GTF2E2: variants seen among roughly 807,000 people sequenced by gnomAD.
GTF2E2 encodes transcription initiation factor IIE subunit beta.
In GTF2E2, 21 loss-of-function variants were observed where a neutral mutation model predicts 40.5. The observed-to-expected ratio is 0.52, with a 90% confidence interval of 0.37 to 0.75. The LOEUF is 0.75. Ranked by LOEUF, GTF2E2 falls within the 30% of genes least tolerant of loss-of-function variation. GTF2E2 has a pLI of 0.00. For synonymous variants in GTF2E2, 117 were observed against 121.6 expected (o/e 0.96, Z 0.25); for missense variants, 298 against 338.4 (o/e 0.88, Z 0.94).
chr8:30,598,396 A>G (rs1338340550), intron 6 of GTF2E2, among the ~76,000 whole-genome samples: 1 of 152,248 alleles, frequency 6.6e-6, no homozygotes, highest in African/African-American at 2.4e-5. Context: ...CTGTATAGAA[A>G]GAACACACAA....
intron 6 of GTF2E2, among the ~76,000 whole-genome samples, chr8:30,604,114 G>A (rs900685304): frequency 4.6e-5 from 7 of 152,040 alleles, no homozygotes; most frequent in African/African-American, 1.4e-4. Context: ...AAGGAATGAG[G>A]GGGGGAGAGG....
intron 2 of GTF2E2, among the ~76,000 whole-genome samples, chr8:30,651,146 G>C (rs1240191295): frequency 7.2e-5 from 11 of 152,082 alleles, no homozygotes; most frequent in Admixed American, 7.2e-4. Context: ...CCTAAGATCA[G>C]GAACAAGGCA....
rs561593922 is a variant in GTF2E2 at position 30,636,695 on chromosome 8, G to A, written c.167-1572C>T. 7.2e-5 allele frequency among the ~76,000 whole-genome samples: 11 copies of A among 152,028 alleles called. No individual in the cohort carries two copies. In the East Asian group the frequency reaches 1.4e-3, roughly 19 times the overall value. ...ATCCTGGCCAACATGGTGAAACCCC[G>A]TCTCTACCAAAAATACAAAAATTAG... On this transcript the variant is annotated intron_variant, in intron 2 of 7. Transcript: ENST00000355904.
intron 2 of GTF2E2, among the ~76,000 whole-genome samples, chr8:30,649,458 G>T (rs1220192942): frequency 6.6e-6 from 1 of 151,966 alleles, no homozygotes; most frequent in African/African-American, 2.4e-5. Context: ...TGAAACCAAA[G>T]GTTGGTTCTT....
intron 6 of GTF2E2, among the ~76,000 whole-genome samples, chr8:30,581,347 C>T (rs980466780): frequency 6.6e-6 from 1 of 152,150 alleles, no homozygotes; most frequent in African/African-American, 2.4e-5. Flanking sequence ...TCCCACGGTC[C>T]GTTTACAAAT....
rs575662589 is a variant in GTF2E2, at chr8:30,622,285, A to G, written c.259-7570T>C. On this transcript the variant is annotated intron_variant, in intron 3 of 7. Coordinates refer to ENST00000355904, the MANE Select transcript of GTF2E2 (RefSeq NM_002095.6). ...CAGAGTACAAAAGAGAGAAATTTTA[A>G]AGCTGGGCGTCCAGGGGAGACATCA... 5.9e-5 allele frequency among the ~76,000 whole-genome samples: 9 copies of G among 151,890 alleles called. No homozygotes were observed. In the South Asian group the frequency reaches 1.9e-3, roughly 32 times the overall value.
Position 30,580,412 on chromosome 8 carries a change from A to G in GTF2E2, c.644-16T>C. On this transcript the variant is annotated splice_polypyrimidine_tract_variant and intron_variant, in intron 6 of 7. Transcript: ENST00000355904. ...TTCTGAAATTCTGTATCAAACAGAC[A>G]CTAGTTATTTTACAATCCATTTTTA... The G allele has an allele frequency of 7.7e-7, 1 of 1,292,476 alleles. No individual in the cohort carries two copies. The highest frequency in any genetic ancestry group is 1.1e-6 in the Non-Finnish European group (1 of 886,960). 80.1% of individuals were successfully genotyped at this position (1,292,476 alleles called of 1,614,324 possible).
chr8:30,587,409 C>A lies in GTF2E2; in HGVS notation c.644-7013G>T, dbSNP rs549779021. 3.3e-5 allele frequency among the ~76,000 whole-genome samples: 5 copies of A among 150,582 alleles called. No individual in the cohort carries two copies. The South Asian group carries it at 1.0e-3, about 31-fold the overall frequency. The stretch of plus-strand genomic sequence containing the variant: ...ATCTGGGCAACAAAATGAGACGCTG[C>A]CTCTAAAAAAGAAAAAAAAATTATA... On this transcript the variant is annotated intron_variant, in intron 6 of 7. Transcript: ENST00000355904.
chr8:30,621,933 C>T (rs992796269), intron 3 of GTF2E2, among the ~76,000 whole-genome samples: 3 of 151,574 alleles, frequency 2.0e-5, no homozygotes, highest in East Asian at 1.9e-4. Context: ...GCTATCTCAT[C>T]GTTAAGTATG....
intron 1 of GTF2E2, among the ~76,000 whole-genome samples, chr8:30,656,685 G>C (rs1165867528): frequency 2.6e-5 from 4 of 151,816 alleles, no homozygotes; most frequent in African/African-American, 9.7e-5. Flanking sequence ...GCGGGTGCCT[G>C]TAATCCCAAC....
chr8:30,595,738 G>T (rs1347197598), intron 6 of GTF2E2, among the ~76,000 whole-genome samples: 1 of 152,082 alleles, frequency 6.6e-6, no homozygotes, highest in Non-Finnish European at 1.5e-5. Context: ...AGGCTGAGAT[G>T]GGAGGATGAA....
In GTF2E2 at chr8:30,580,061, G is replaced by A. The variant is rs76497001; in HGVS notation, c.759+220C>T. ...TCCATATGGCTATACCTCAAGAGCA[G>A]GACTGCTTGGGAGGAGCTGGGTGTA... On this transcript the variant is annotated intron_variant, in intron 7 of 7. Coordinates refer to ENST00000355904, the MANE Select transcript of GTF2E2 (RefSeq NM_002095.6). Among the ~76,000 whole-genome samples, 724 of 152,290 alleles carry A rather than the reference G, an allele frequency of 4.8e-3. 4 individuals carry two copies. Among genetic ancestry groups the A allele is most frequent in the African/African-American group, 0.017 (694 of 41,540 alleles).
intron 3 of GTF2E2, among the ~76,000 whole-genome samples, chr8:30,626,904 A>T (rs1460171281): frequency 1.3e-5 from 2 of 152,232 alleles, no homozygotes; most frequent in Non-Finnish European, 2.9e-5. Context: ...GCTACTGGAC[A>T]AGTCAAGGTA....
chr8:30,627,168 T>G (rs1801303170), intron 3 of GTF2E2, among the ~76,000 whole-genome samples: 1 of 152,152 alleles, frequency 6.6e-6, no homozygotes, highest in Admixed American at 6.5e-5. Flanking sequence ...ACATGTCACA[T>G]GATGCTAAGA....
At chr8:30,611,968 C>G (rs1487844209) in intron 5 of GTF2E2, among the ~76,000 whole-genome samples, 1 of 152,170 alleles carries the variant, frequency 6.6e-6, no homozygotes, top group African/African-American at 2.4e-5. Flanking sequence ...TAAGGAACAT[C>G]TACTAGTATT....
In GTF2E2 at chr8:30,625,511, C is replaced by T. The variant is rs566310253; in HGVS notation, c.258+9521G>A. Among the ~76,000 whole-genome samples the T allele has an allele frequency of 5.9e-5, 9 of 152,208 alleles. No individual in the cohort carries two copies. In the South Asian group the frequency reaches 8.3e-4, roughly 14 times the overall value. ...TGCTGGTGCTCACAGTAACAGGCAA[C>T]GACCGAACAGCCAAATCAATGGTTT... On this transcript the variant is annotated intron_variant, in intron 3 of 7. Transcript: ENST00000355904.
intron 6 of GTF2E2, among the ~76,000 whole-genome samples, chr8:30,598,548 C>G (rs955164012): frequency 6.6e-6 from 1 of 152,136 alleles, no homozygotes; most frequent in Admixed American, 6.5e-5. Context: ...TTCAATAAAA[C>G]ATTTATACTT....
intron 6 of GTF2E2, among the ~76,000 whole-genome samples, chr8:30,581,848 G>C (rs1200019615): frequency 6.6e-6 from 1 of 152,042 alleles, no homozygotes; most frequent in Non-Finnish European, 1.5e-5. Context: ...AGTCGGCACT[G>C]TACCTAGCAC....
intron 2 of GTF2E2, among the ~76,000 whole-genome samples, chr8:30,646,574 T>C (rs1439639422): frequency 6.6e-6 from 1 of 152,174 alleles, no homozygotes; most frequent in Non-Finnish European, 1.5e-5. Flanking sequence ...TTAGTTCAAA[T>C]GTACAAGCTC....
Sources: gnomAD v4.1 joint callset for allele counts (sites outside exome capture counted in the v4.1 genomes callset) on GRCh38, gnomAD v4.1.1 for gene constraint, MANE v1.5 for transcripts, NCBI Gene and HGNC (gene_info 2026-07-23, HGNC 2026-07-21) for gene names.